Variants in MTR observed in about 807,000 individuals in gnomAD.
The protein encoded by MTR is methionine synthase.
In MTR, 84 loss-of-function variants were observed where a neutral mutation model predicts 154.8. That is an observed-to-expected ratio of 0.54 (90% confidence interval 0.45 to 0.65). The LOEUF (loss-of-function observed/expected upper bound fraction) is 0.65, where lower values mean the gene tolerates loss of function less well. MTR is among the 30% of genes least tolerant of loss of function. The pLI is 0.00. For synonymous variants in MTR, 554 were observed against 553.9 expected (o/e 1.00, Z 0.00); for missense variants, 1,275 against 1,570.2 (o/e 0.81, Z 3.18).
rs183253553 is a variant in MTR, at chr1:236,812,649, C to T, written c.503-89C>T. 5.7e-5 allele frequency: 56 copies of T among 976,872 alleles called. No individual in the cohort carries two copies. In the African/African-American group the frequency reaches 8.3e-4, roughly 15 times the overall value. 60.5% of individuals were successfully genotyped at this position (976,872 alleles called of 1,614,324 possible). A position where few individuals can be genotyped will look rare whatever the true frequency, so the allele number is the denominator to read the frequency against. On this transcript the variant is annotated intron_variant, in intron 5 of 32. Coordinates refer to ENST00000366577, the MANE Select transcript of MTR (RefSeq NM_000254.3). ...TATGCATTGTAAACCAGCAATAGTTCACAGGTGCCAGACCTACACTCGAGA... is the reference window on the plus strand; with the variant it reads ...TATGCATTGTAAACCAGCAATAGTTTACAGGTGCCAGACCTACACTCGAGA...
chr1:236,811,585 T>G (rs1661305378), intron 5 of MTR: 6 of 455,990 alleles, frequency 1.3e-5, no homozygotes, highest in South Asian at 7.8e-5. Context: ...GATACCACAC[T>G]TTTTCACTAG....
chr1:236,877,871 C>T (rs1206408389), intron 24 of MTR, among the ~76,000 whole-genome samples: 3 of 152,182 alleles, frequency 2.0e-5, no homozygotes, highest in Non-Finnish European at 2.9e-5. Context: ...AGTTATTCCA[C>T]GTTCTTTTCA....
intron 28 of MTR, among the ~76,000 whole-genome samples, chr1:236,889,886 C>T (rs10925261): frequency 0.21 from 32,335 of 152,004 alleles, 3,653 homozygotes; most frequent in South Asian, 0.31. Context: ...GCAAGGAGCC[C>T]ATTGTGCTTG....
chr1:236,840,530 G>T (rs559874229), intron 15 of MTR, among the ~76,000 whole-genome samples: 2 of 152,298 alleles, frequency 1.3e-5, no homozygotes, highest in African/African-American at 4.8e-5. Flanking sequence ...ACCCCTCTGA[G>T]GAGGCAACAT....
At chr1:236,810,407 A>T (rs943648199) in intron 4 of MTR, 96 bp from the exon 5 acceptor site, 6 of 987,182 alleles carry the variant, frequency 6.1e-6, no homozygotes, top group Non-Finnish European at 8.2e-6. Flanking sequence ...AAGATTATAG[A>T]CCTGTGTTCC....
intron 13 of MTR, among the ~76,000 whole-genome samples, chr1:236,833,549 T>C (rs917105744): frequency 2.6e-5 from 4 of 152,192 alleles, no homozygotes; most frequent in Admixed American, 6.5e-5. Context: ...CTCCCAAGCA[T>C]GTGCCCTTAA....
At chr1:236,896,296 A>C (rs909243122) in intron 31 of MTR, among the ~76,000 whole-genome samples, 12 of 152,230 alleles carry the variant, frequency 7.9e-5, no homozygotes, top group African/African-American at 2.4e-4. Flanking sequence ...AATAAAAAGC[A>C]TGCCATCAAA....
At chr1:236,875,501 C>CA (rs1193812279) in intron 24 of MTR, among the ~76,000 whole-genome samples, 1 of 152,124 alleles carries the variant, frequency 6.6e-6, no homozygotes, top group Non-Finnish European at 1.5e-5. Flanking sequence ...GTAAGTGCTA[C>CA]GTTAACTGTG....
intron 22 of MTR, among the ~76,000 whole-genome samples, chr1:236,866,706 A>G (rs964125491): frequency 2.0e-5 from 3 of 152,238 alleles, no homozygotes; most frequent in East Asian, 1.9e-4. Flanking sequence ...TCCAGTGAAT[A>G]CACAAAGGAT....
chr1:236,887,983 C>A (rs894901770), intron 27 of MTR, among the ~76,000 whole-genome samples: 6 of 152,102 alleles, frequency 3.9e-5, no homozygotes, highest in African/African-American at 1.2e-4. Context: ...GGCTTTGTTA[C>A]CAACAAACCA....
At chr1:236,874,608 G>A (rs781212589) in intron 23 of MTR, 118 bp from the exon 24 acceptor site, 13 of 769,780 alleles carry the variant, frequency 1.7e-5, no homozygotes, top group Non-Finnish European at 2.2e-5. Context: ...GGGAATTCAT[G>A]TTAGGTCTTT....
At chr1:236,795,968 A>G (rs1660360393) in intron 1 of MTR, among the ~76,000 whole-genome samples, 1 of 152,182 alleles carries the variant, frequency 6.6e-6, no homozygotes, top group South Asian at 2.1e-4. Flanking sequence ...AAAACCTGCA[A>G]AAAGCGTCCT....
At chr1:236,816,923 A>G (rs573189800) in intron 8 of MTR, among the ~76,000 whole-genome samples, 2 of 152,274 alleles carry the variant, frequency 1.3e-5, no homozygotes, top group South Asian at 2.1e-4. Context: ...TAAAGTGAAC[A>G]TGGCAGTTGG....
chr1:236,876,781 A>ATGAT, intron 24 of MTR, among the ~76,000 whole-genome samples: 1 of 152,330 alleles, frequency 6.6e-6, no homozygotes. Flanking sequence ...TAGCTTGCTA[A>ATGAT]TGATTCTTAG....
In MTR at chr1:236,860,838, G is replaced by A. The variant is rs1050680830; in HGVS notation, c.2044-287G>A. Reference sequence around the variant, plus strand: ...GCATACAACATTCTGTTTTGGAAGTGTATGAGGTATTTACTTTGTTTGTAT... The same window carrying A: ...GCATACAACATTCTGTTTTGGAAGTATATGAGGTATTTACTTTGTTTGTAT... On this transcript the variant is annotated intron_variant, in intron 19 of 32. Transcript: ENST00000366577. 1.1e-4 allele frequency among the ~76,000 whole-genome samples: 16 copies of A among 152,304 alleles called. No homozygotes were observed. In the South Asian group the frequency reaches 3.1e-3, roughly 30 times the overall value.
At position 236,874,721 on chromosome 1, in the gene MTR, A is replaced by T; in HGVS notation, c.2474-5A>T. 6.4e-7 allele frequency: 1 copy of T among 1,569,990 alleles called. No individual in the cohort carries two copies. The highest frequency in any genetic ancestry group is 8.6e-7 in the Non-Finnish European group (1 of 1,160,850). ...TCCTTTTTTTTTTAAAAAAAAAAAA[A>T]ATAGATATAATTGGCCTGTCAGGAC... On this transcript the variant is annotated splice_region_variant and splice_polypyrimidine_tract_variant and intron_variant, in intron 23 of 32. Transcript: ENST00000366577.
chr1:236,884,176 C>G (rs1421867605), intron 25 of MTR, among the ~76,000 whole-genome samples: 3 of 152,132 alleles, frequency 2.0e-5, no homozygotes, highest in Non-Finnish European at 4.4e-5. Context: ...GAAGATTAGC[C>G]TCATTCCCTC....
chr1:236,802,427 G>GA, intron 1 of MTR, among the ~76,000 whole-genome samples: 1 of 152,252 alleles, frequency 6.6e-6, no homozygotes, highest in Admixed American at 6.5e-5. Context: ...AGCCATGTCA[G>GA]AAGGATAAGA....
chr1:236,829,114 T>TTAGTCAAAATA, intron 11 of MTR, 75 bp from the exon 12 acceptor site: 2 of 1,153,430 alleles, frequency 1.7e-6, no homozygotes, highest in Non-Finnish European at 2.6e-6. Flanking sequence ...ATAGTTAAAA[T>TTAGTCAAAATA]TAGTTTTGAA....
Sources: allele counts gnomAD v4.1 joint callset (sites outside exome capture counted in the v4.1 genomes callset), GRCh38; gene constraint gnomAD v4.1.1; transcripts MANE v1.5; gene names NCBI Gene and HGNC (gene_info 2026-07-23, HGNC 2026-07-21).